The following B3GNT5 variants were observed in gnomAD, a reference collection of about 807,000 sequenced individuals.
The protein encoded by B3GNT5 is UDP-GlcNAc:betaGal beta-1,3-N-acetylglucosaminyltransferase 5.
A neutral mutation model predicts 25.9 loss-of-function variants in B3GNT5; 11 were observed. The ratio of observed to expected loss-of-function variants is 0.42; its 90% CI spans 0.27 to 0.70. The LOEUF (loss-of-function observed/expected upper bound fraction) is 0.70, where lower values mean the gene tolerates loss of function less well. Among genes scored for constraint, B3GNT5 ranks in the 30% least tolerant of loss-of-function variants. The pLI is 0.23. For synonymous variants in B3GNT5, 166 were observed against 158.6 expected (o/e 1.05, Z -0.35); for missense variants, 385 against 458.4 (o/e 0.84, Z 1.46).
At chr3:183,257,090 C>G (rs1725109488) in intron 1 of B3GNT5, among the ~76,000 whole-genome samples, 1 of 152,052 alleles carries the variant, frequency 6.6e-6, no homozygotes, top group African/African-American at 2.4e-5. Flanking sequence ...CATTAACTAA[C>G]CCATCCTGGT....
In B3GNT5 at chr3:183,269,780, A is replaced by G. The variant is rs765221462; in HGVS notation, c.-19A>G. The stretch of plus-strand genomic sequence containing the variant: ...GCCTGTTTAAAACTGATCCTAACTA[A>G]AAACAGACTTGAGTGGATATGAGAA... On this transcript the variant is annotated 5_prime_UTR_variant, in exon 2 of 2. It removes the in-frame stop codon of an upstream open reading frame in the 5' UTR. Transcript: ENST00000326505. 9.5e-6 allele frequency: 15 copies of G among 1,580,386 alleles called. No homozygotes were observed. In the East Asian group the frequency reaches 2.7e-4, roughly 28 times the overall value.
At chr3:183,269,246 T>TTTTTTTTTTTTTTTTTTTTTTTTTTTTA (rs1726485512) in intron 1 of B3GNT5, among the ~76,000 whole-genome samples, 1 of 149,464 alleles carries the variant, frequency 6.7e-6, no homozygotes, top group African/African-American at 2.5e-5. Context: ...TTTTTTTTTT[T>TTTTTTTTTTTTTTTTTTTTTTTTTTTTA]TTAAGAGTAG....
intron 1 of B3GNT5, among the ~76,000 whole-genome samples, chr3:183,258,007 GC>G (rs1413970631): frequency 9.2e-6 from 1 of 108,370 alleles, no homozygotes; most frequent in African/African-American, 3.6e-5. Context: ...TCGCTCTGTT[GC>G]CCAGGCTGGA....
rs1428958214 is a variant in B3GNT5, at chr3:183,271,026, G to A, written c.*91G>A. On this transcript the variant is annotated 3_prime_UTR_variant, in exon 2 of 2. Coordinates refer to ENST00000326505, the MANE Select transcript of B3GNT5 (RefSeq NM_032047.5). ...TGTTCGTCTATACCCTAAGTAAAAT[G>A]AGGACGAAAGACAAATATTTTGAAA... 5 of 1,211,610 alleles carry A rather than the reference G, an allele frequency of 4.1e-6. No homozygotes were observed. The highest frequency in any genetic ancestry group is 5.7e-6 in the Non-Finnish European group (5 of 884,086). 75.1% of individuals were successfully genotyped at this position (1,211,610 alleles called of 1,614,324 possible). A position where few individuals can be genotyped will look rare whatever the true frequency, so the allele number is the denominator to read the frequency against.
Position 183,257,050 on chromosome 3 carries a change from G to GA in B3GNT5, c.-302+3585dup, listed in dbSNP as rs766391997. On this transcript the variant is annotated intron_variant, in intron 1 of 1. Coordinates refer to ENST00000326505, the MANE Select transcript of B3GNT5 (RefSeq NM_032047.5). ...TGAGTATAGCTCAGTATTCTAAAAA[G>GA]AAAAAAACCTGAAAAAAAAATCAGC... Among the ~76,000 whole-genome samples, 11 of 151,646 alleles carry GA rather than the reference G, an allele frequency of 7.3e-5. No individual in the cohort carries two copies. The East Asian group carries it at 7.8e-4, about 11-fold the overall frequency.
intron 1 of B3GNT5, among the ~76,000 whole-genome samples, chr3:183,263,437 A>T (rs1725804738): frequency 6.6e-6 from 1 of 152,096 alleles, no homozygotes; most frequent in Non-Finnish European, 1.5e-5. Flanking sequence ...TAGAGCTCCA[A>T]GACCAGGGCC....
chr3:183,269,230 CTTTTTT>C (rs60835895), intron 1 of B3GNT5, among the ~76,000 whole-genome samples: 2 of 81,030 alleles, frequency 2.5e-5, no homozygotes, highest in African/African-American at 1.3e-4. Flanking sequence ...GTTTGGGAAG[CTTTTTT>C]TTTTTTTTTT....
At chr3:183,257,346 A>G (rs1370254390) in intron 1 of B3GNT5, among the ~76,000 whole-genome samples, 1 of 152,190 alleles carries the variant, frequency 6.6e-6, no homozygotes, top group African/African-American at 2.4e-5. Context: ...TCCAGCTTGC[A>G]CTGGAATATT....
At chr3:183,259,936 G>A (rs1356994429) in intron 1 of B3GNT5, among the ~76,000 whole-genome samples, 1 of 152,162 alleles carries the variant, frequency 6.6e-6, no homozygotes, top group Non-Finnish European at 1.5e-5. Context: ...CAGCAAAACA[G>A]AAATGACTTC....
Position 183,272,014 on chromosome 3 carries a change from A to AGTT in B3GNT5, c.*1080_*1082dup. 2.3e-6 allele frequency: 1 copy of AGTT among 429,278 alleles called. No individual in the cohort carries two copies. Among genetic ancestry groups the AGTT allele is most frequent in the Non-Finnish European group, 3.2e-6 (1 of 308,296 alleles). 26.6% of individuals were successfully genotyped at this position (429,278 alleles called of 1,614,324 possible). A position where few individuals can be genotyped will look rare whatever the true frequency, so the allele number is the denominator to read the frequency against. ...TTAAATTGAGAGCATTAAACATCAA[A>AGTT]GTTATAATATCTAAAACAATTTATT... On this transcript the variant is annotated 3_prime_UTR_variant, in exon 2 of 2. Coordinates refer to ENST00000326505, the MANE Select transcript of B3GNT5 (RefSeq NM_032047.5).
chr3:183,270,112 C>A lies in B3GNT5; in HGVS notation c.314C>A (p.Ser105Tyr), dbSNP rs761216902. Residue 105 changes from serine (S) to tyrosine (Y), a missense_variant, in exon 2 of 2, where the codon TCC (serine) becomes TAC (tyrosine). Transcript: ENST00000326505. This position sits in a 1 kb window ranked among gnomAD's most constrained non-coding sequence, Gnocchi z 4.5. ...KTAPENYDRRSGIRRTWGNEN... is the reference protein window; with the variant it reads ...KTAPENYDRRYGIRRTWGNEN... Reference sequence around the variant, plus strand: ...GCTCCTGAAAACTATGATCGACGTTCCGGAATTAGAAGGACGTGGGGCAAT... The same window carrying A: ...GCTCCTGAAAACTATGATCGACGTTACGGAATTAGAAGGACGTGGGGCAAT... 2.5e-6 allele frequency: 4 copies of A among 1,614,118 alleles called. No individual in the cohort carries two copies. The South Asian group carries it at 3.3e-5, about 13-fold the overall frequency.
chr3:183,263,099 T>C (rs1471045868), intron 1 of B3GNT5, among the ~76,000 whole-genome samples: 1 of 152,042 alleles, frequency 6.6e-6, no homozygotes, highest in Non-Finnish European at 1.5e-5. Flanking sequence ...GAGTGTACTA[T>C]AGAGTGAGTA....
chr3:183,269,903 C>T lies in B3GNT5; in HGVS notation c.105C>T (p.Ile35=), dbSNP rs374097634. Residue 35 remains isoleucine (I), a synonymous_variant, in exon 2 of 2, where the codon ATC becomes ATT. Transcript: ENST00000326505. ...LASLMFFWEP[I]DNHIVSHMKS... is the part of the protein sequence containing the mutation. ...GCCTCATGTTTTTTTGGGAACCAAT[C>T]GATAATCACATTGTGAGCCATATGA... 43 of 1,613,960 alleles carry T rather than the reference C, an allele frequency of 2.7e-5. 1 individual carries two copies. In the African/African-American group the frequency reaches 3.7e-4, roughly 14 times the overall value.
rs142774212 is a variant in B3GNT5 at position 183,257,383 on chromosome 3, A to G, written c.-302+3911A>G. ...ATTGACCCTTTGATAGAAGAGCTAC[A>G]CCTGAAACATCTCTGAAGTCTTTTT... On this transcript the variant is annotated intron_variant, in intron 1 of 1. Transcript: ENST00000326505. 1.8e-4 allele frequency among the ~76,000 whole-genome samples: 28 copies of G among 152,310 alleles called. No individual in the cohort carries two copies. The East Asian group carries it at 4.6e-3, about 25-fold the overall frequency.
At chr3:183,266,531 C>T (rs1265999312) in intron 1 of B3GNT5, among the ~76,000 whole-genome samples, 1 of 152,180 alleles carries the variant, frequency 6.6e-6, no homozygotes, top group Admixed American at 6.5e-5. Flanking sequence ...TGGAGGAGGC[C>T]AGAGGGCCCT....
chr3:183,269,302 G>A (rs1194258117), intron 1 of B3GNT5, among the ~76,000 whole-genome samples, 196 bp from the exon 2 acceptor site: 1 of 141,946 alleles, frequency 7.0e-6, no homozygotes, highest in Non-Finnish European at 1.5e-5. Flanking sequence ...ACAGTGTAAA[G>A]CAATTTTTTC....
At position 183,270,260 on chromosome 3, in the gene B3GNT5, T is replaced by G; in HGVS notation, c.462T>G (p.Asn154Lys). The change falls in exon 2 of 2, where the codon AAT becomes AAG. Residue 154 changes from asparagine (N) to lysine (K), a missense_variant. By Grantham distance (94) the Asn-to-Lys change is moderately conservative. Coordinates refer to ENST00000326505, the MANE Select transcript of B3GNT5 (RefSeq NM_032047.5). The surrounding 1 kb of genome is among the most constrained non-coding windows in gnomAD (Gnocchi z 4.5). ...RKLAWEDQRY[N>K]DIIQQDFVDS... The stretch of plus-strand genomic sequence containing the variant: ...TGGCTTGGGAAGATCAAAGGTACAA[T>G]GATATAATTCAGCAAGACTTTGTTG... The G allele has an allele frequency of 6.2e-7, 1 of 1,614,138 alleles. No individual in the cohort carries two copies. Among genetic ancestry groups the G allele is most frequent in the Non-Finnish European group, 8.5e-7 (1 of 1,179,990 alleles).
At chr3:183,264,384 C>G (rs1725906385) in intron 1 of B3GNT5, among the ~76,000 whole-genome samples, 1 of 152,220 alleles carries the variant, frequency 6.6e-6, no homozygotes, top group Non-Finnish European at 1.5e-5. Flanking sequence ...TGGTGTCATG[C>G]AGACACACTG....
intron 1 of B3GNT5, among the ~76,000 whole-genome samples, chr3:183,256,459 G>C (rs1249163684): frequency 6.6e-6 from 1 of 152,112 alleles, no homozygotes; most frequent in Non-Finnish European, 1.5e-5. Context: ...ATAAAAAAGC[G>C]ATTTTTTAGA....
Sources: allele counts gnomAD v4.1 joint callset (sites outside exome capture counted in the v4.1 genomes callset), GRCh38; gene constraint gnomAD v4.1.1; non-coding constraint Gnocchi (gnomAD v3.1); transcripts MANE v1.5; gene names NCBI Gene and HGNC (gene_info 2026-07-23, HGNC 2026-07-21).